Variants in CCDC73 observed in about 807,000 individuals in gnomAD.
CCDC73 encodes the protein coiled-coil domain-containing protein 73.
Under a neutral mutation model 116.5 loss-of-function variants are expected in CCDC73, and 95 were observed. The observed-to-expected ratio is 0.82, with a 90% CI of 0.69 to 0.97. The LOEUF is 0.97. CCDC73 is among the 50% of genes least tolerant of loss of function. The pLI, the probability that CCDC73 is intolerant of heterozygous loss-of-function variation, is 0.00. For missense variants in CCDC73, 1,066 were observed against 1,206.8 expected (o/e 0.88, Z 1.73); for synonymous variants, 398 against 401.3 (o/e 0.99, Z 0.10).
chr11:32,810,021 T>G, the CCDC73 span, among the ~76,000 whole-genome samples: 3 of 152,238 alleles, frequency 2.0e-5, no homozygotes, highest in South Asian at 4.1e-4. Context: ...GATATTTTGC[T>G]CTAACTTCAT....
Position 32,789,393 on chromosome 11 carries a change from G to C in CCDC73, c.-16+5220C>G, listed in dbSNP as rs183692694. ...CCAATATTAATGTAAGCAAATAAAG[G>C]AAACAAAGAAAAATGTATTCGTTCA... On this transcript the variant is annotated intron_variant, in intron 1 of 17. Transcript: ENST00000335185. Among the ~76,000 whole-genome samples, 5 of 152,158 alleles carry C rather than the reference G, an allele frequency of 3.3e-5. No homozygotes were observed. The East Asian group carries it at 7.7e-4, about 23-fold the overall frequency.
intron 14 of CCDC73, among the ~76,000 whole-genome samples, chr11:32,617,563 G>A (rs751515389): frequency 2.6e-5 from 4 of 152,196 alleles, no homozygotes; most frequent in Non-Finnish European, 5.9e-5. Context: ...GAGTGCTGCA[G>A]CAGTCCAGGT....
At chr11:32,703,940 T>C (rs1394598229) in intron 3 of CCDC73, among the ~76,000 whole-genome samples, 1 of 152,240 alleles carries the variant, frequency 6.6e-6, no homozygotes. Context: ...TGCTCCAGAT[T>C]TCTAAATAAT....
In CCDC73 at chr11:32,613,977, T is replaced by C. The variant is rs767260028; in HGVS notation, c.2341A>G (p.Asn781Asp). Residue 781 changes from asparagine to aspartate, a missense_variant, in exon 16 of 18, where the codon AAT becomes GAT. Asn to Asp is a conservative substitution (Grantham distance 23). Coordinates refer to ENST00000335185, the MANE Select transcript of CCDC73 (RefSeq NM_001008391.4). ...GCTTGTGAAGCATGACTATTCTCAT[T>C]GTTAAGATGAAGATGGGAAATGTTC... The part of the protein sequence containing the change: ...NVNISHLHLN[N>D]ENSHASQAKD... 3 of 1,610,966 alleles carry C rather than the reference T, an allele frequency of 1.9e-6. No individual in the cohort carries two copies. The highest frequency in any genetic ancestry group is 2.5e-6 in the Non-Finnish European group (3 of 1,179,830).
chr11:32,743,390 G>A (rs1275594848), intron 2 of CCDC73, among the ~76,000 whole-genome samples: 3 of 152,038 alleles, frequency 2.0e-5, no homozygotes, highest in Non-Finnish European at 4.4e-5. Flanking sequence ...GTTGTGTGTA[G>A]GTCCACACAA....
intron 9 of CCDC73, among the ~76,000 whole-genome samples, chr11:32,672,887 T>C (rs1856052011): frequency 6.6e-6 from 1 of 152,210 alleles, no homozygotes; most frequent in Non-Finnish European, 1.5e-5. Flanking sequence ...ATGCTTTTAC[T>C]TTCTGATCCC....
chr11:32,804,051 C>T, the CCDC73 span, among the ~76,000 whole-genome samples: 2 of 152,148 alleles, frequency 1.3e-5, no homozygotes, highest in Non-Finnish European at 2.9e-5. Context: ...CTCAAGTGAT[C>T]CACCCACCTC....
the CCDC73 span, among the ~76,000 whole-genome samples, chr11:32,800,343 T>C: frequency 1.3e-5 from 2 of 152,046 alleles, no homozygotes; most frequent in Non-Finnish European, 2.9e-5. Context: ...AAGTCAAACA[T>C]TATTCTTGAA....
chr11:32,754,412 T>C (rs368099650), intron 2 of CCDC73, among the ~76,000 whole-genome samples: 3 of 151,944 alleles, frequency 2.0e-5, no homozygotes, highest in South Asian at 4.2e-4. Flanking sequence ...TCAGAAAGGA[T>C]AGAATGACAT....
At chr11:32,656,084 C>CTT (rs35610291) in intron 9 of CCDC73, among the ~76,000 whole-genome samples, 1,841 of 145,478 alleles carry the variant, frequency 0.013, 43 homozygotes, top group African/African-American at 0.04. Flanking sequence ...CTTTTCTTTT[C>CTT]TTTTTTTTTT....
chr11:32,632,994 T>C (rs973461370), intron 14 of CCDC73, among the ~76,000 whole-genome samples: 1 of 152,000 alleles, frequency 6.6e-6, no homozygotes, highest in Admixed American at 6.6e-5. Flanking sequence ...ATAGCAAAAA[T>C]CCATGAAATA....
At chr11:32,821,853 C>A in the CCDC73 span, among the ~76,000 whole-genome samples, 1 of 152,156 alleles carries the variant, frequency 6.6e-6, no homozygotes, top group African/African-American at 2.4e-5. Context: ...ATGCATTAAA[C>A]AAAGATCTTA....
intron 9 of CCDC73, among the ~76,000 whole-genome samples, chr11:32,662,797 T>C (rs1261887527): frequency 1.8e-3 from 279 of 152,010 alleles, no homozygotes; most frequent in African/African-American, 6.5e-3. Flanking sequence ...CCTAGGTTTT[T>C]TTCTAGGGTT....
chr11:32,668,795 G>A (rs1650505394), intron 9 of CCDC73, among the ~76,000 whole-genome samples: 1 of 152,066 alleles, frequency 6.6e-6, no homozygotes, highest in South Asian at 2.1e-4. Flanking sequence ...TACCAATACT[G>A]CCAAAATAAA....
chr11:32,821,442 T>C, the CCDC73 span, among the ~76,000 whole-genome samples: 4 of 152,218 alleles, frequency 2.6e-5, no homozygotes, highest in African/African-American at 9.6e-5. Flanking sequence ...ACGTTAACAG[T>C]TTAAAAAAGT....
intron 9 of CCDC73, among the ~76,000 whole-genome samples, chr11:32,668,026 A>T (rs1375540668): frequency 1.3e-5 from 2 of 152,172 alleles, no homozygotes; most frequent in Non-Finnish European, 2.9e-5. Context: ...TTTTGCTTTA[A>T]GTTCCTCATC....
chr11:32,655,102 C>CCTACTT, intron 9 of CCDC73, 130 bp from the exon 10 acceptor site: 1 of 86,584 alleles, frequency 1.2e-5, no homozygotes. Flanking sequence ...TTGCAAGTTC[C>CCTACTT]CTTGCAAGAT....
chr11:32,683,763 G>C (rs1420236555), intron 6 of CCDC73, among the ~76,000 whole-genome samples, 189 bp from the exon 7 acceptor site: 2 of 152,116 alleles, frequency 1.3e-5, no homozygotes, highest in Admixed American at 1.3e-4. Flanking sequence ...ATATAGCAGT[G>C]AACAAAACAA....
At chr11:32,725,698 A>ATAAT (rs1850024794) in intron 2 of CCDC73, among the ~76,000 whole-genome samples, 1 of 152,228 alleles carries the variant, frequency 6.6e-6, no homozygotes, top group Non-Finnish European at 1.5e-5. Context: ...AGGTTGGTCT[A>ATAAT]TAATTAGGTC....
Sources: gnomAD v4.1 joint callset for allele counts (sites outside exome capture counted in the v4.1 genomes callset) on GRCh38, gnomAD v4.1.1 for gene constraint, MANE v1.5 for transcripts, NCBI Gene and HGNC (gene_info 2026-07-23, HGNC 2026-07-21) for gene names.